NLN: variants seen among roughly 807,000 people sequenced by gnomAD.
The protein encoded by NLN is neurolysin.
Under a neutral mutation model 79.9 loss-of-function variants are expected in NLN, and 64 were observed. That is an observed-to-expected ratio of 0.80 (90% CI 0.65 to 0.99). The LOEUF (loss-of-function observed/expected upper bound fraction) is 0.99, where lower values mean the gene tolerates loss of function less well. Ranked by LOEUF, NLN falls within the 50% of genes least tolerant of loss-of-function variation. NLN has a pLI of 0.00. For synonymous variants in NLN, 267 were observed against 296.6 expected (o/e 0.90, Z 1.02); for missense variants, 835 against 858.7 (o/e 0.97, Z 0.34).
At position 65,792,459 on chromosome 5, in the gene NLN, GA is replaced by G. The variant is rs1310575629; in HGVS notation, c.1335del (p.Lys445AsnfsTer22). On this transcript the variant is annotated frameshift_variant, in exon 9 of 13. Transcript: ENST00000380985. LOFTEE classifies it high-confidence loss of function. The part of the protein sequence containing the change: ...QFYLDLYPRE[G>X]KYNHAACFGL... Reference sequence around the variant, plus strand: ...CGCGTGTTTCTGGCTCCTAGGGAAGGAAAATACAATCATGCGGCCTGCTTCG... The same window carrying G: ...CGCGTGTTTCTGGCTCCTAGGGAAGGAAATACAATCATGCGGCCTGCTTCG... The G allele has an allele frequency of 8.1e-6, 13 of 1,612,280 alleles. No homozygotes were observed. In the African/African-American group the frequency reaches 1.3e-4, roughly 17 times the overall value.
At position 65,828,493 on chromosome 5, in the gene NLN, G is replaced by C. The variant is rs1249642656; in HGVS notation, c.*5578G>C. 2.6e-5 allele frequency: 4 copies of C among 152,156 alleles called. No individual in the cohort carries two copies. Among genetic ancestry groups the C allele is most frequent in the African/African-American group, 9.7e-5 (4 of 41,430 alleles). The allele number at this position is 152,156 out of a possible 1,614,324, so 9.4% of individuals were successfully genotyped here. ...TAATTCAGAAATACAGATGATAATT[G>C]TTTTCAAATTCTTGAAGGAAATGGG... On this transcript the variant is annotated 3_prime_UTR_variant, in exon 13 of 13. Coordinates refer to ENST00000380985, the MANE Select transcript of NLN (RefSeq NM_020726.5).
chr5:65,733,917 A>T, intron 1 of NLN, among the ~76,000 whole-genome samples: 2 of 118,648 alleles, frequency 1.7e-5, no homozygotes, highest in African/African-American at 3.3e-5. Flanking sequence ...TTTTTTTTTG[A>T]GACGGAGTCT....
chr5:65,810,672 T>C (rs570438387), intron 11 of NLN, among the ~76,000 whole-genome samples: 22 of 152,336 alleles, frequency 1.4e-4, no homozygotes, highest in African/African-American at 5.1e-4. Flanking sequence ...GTCATCCTGT[T>C]ATGCTATCAA....
At chr5:65,761,062 T>C (rs1441403494) in intron 2 of NLN, among the ~76,000 whole-genome samples, 1 of 152,152 alleles carries the variant, frequency 6.6e-6, no homozygotes, top group Non-Finnish European at 1.5e-5. Flanking sequence ...ACCTTGTTTG[T>C]CTAGTGTCAG....
intron 9 of NLN, among the ~76,000 whole-genome samples, chr5:65,802,271 T>A (rs557028345): frequency 6.6e-6 from 1 of 152,336 alleles, no homozygotes; most frequent in African/African-American, 2.4e-5. Context: ...GTCCAGCCAC[T>A]GCACACAGCC....
In NLN at chr5:65,758,575, G is replaced by T. The variant is rs535433545; in HGVS notation, c.50G>T (p.Gly17Val). The part of the protein sequence containing the change: ...LAVRSLRRVG[G>V]SRILLRMTLG... ...TTTCTGATTCTTTTTAGAGTTGGTG[G>T]TTCCAGGATTTTACTCAGAATGACG... Residue 17 changes from glycine (G) to valine (V), a missense_variant, in exon 2 of 13, where the codon GGT becomes GTT. Gly to Val is a moderately radical substitution (Grantham distance 109). Transcript: ENST00000380985. 6.2e-7 allele frequency: 1 copy of T among 1,605,118 alleles called. No homozygotes were observed. Among genetic ancestry groups the T allele is most frequent in the South Asian group, 1.1e-5 (1 of 90,704 alleles).
chr5:65,758,742 G>T lies in NLN; in HGVS notation c.217G>T (p.Asp73Tyr). 6.2e-7 allele frequency: 1 copy of T among 1,613,398 alleles called. No homozygotes were observed. The highest frequency in any genetic ancestry group is 1.3e-5 in the African/African-American group (1 of 75,008). Residue 73 changes from aspartate to tyrosine, a missense_variant, in exon 2 of 13, where the codon GAT becomes TAT. Asp to Tyr is a radical substitution (Grantham distance 160). Coordinates refer to ENST00000380985, the MANE Select transcript of NLN (RefSeq NM_020726.5). Reference sequence around the variant, plus strand: ...CATTGTGCAGACCAAACAGGTGTACGATGCTGTTGGAATGCTCGGTATTGA... The same window carrying T: ...CATTGTGCAGACCAAACAGGTGTACTATGCTGTTGGAATGCTCGGTATTGA... ...ELIVQTKQVYDAVGMLGIEEV... is the reference protein window; with the variant it reads ...ELIVQTKQVYYAVGMLGIEEV...
At chr5:65,809,274 C>T in intron 9 of NLN, 1 of 358,228 alleles carries the variant, frequency 2.8e-6, no homozygotes, top group Non-Finnish European at 5.0e-6. Flanking sequence ...ATTGTTCCAA[C>T]TTTGTCTACA....
At chr5:65,748,653 A>G (rs1336302611) in intron 1 of NLN, among the ~76,000 whole-genome samples, 1 of 152,026 alleles carries the variant, frequency 6.6e-6, no homozygotes, top group Admixed American at 6.6e-5. Flanking sequence ...TATTAGGGAA[A>G]TGGGAGGATC....
chr5:65,780,179 G>T lies in NLN; in HGVS notation c.559G>T (p.Glu187Ter). Residue 187 changes from glutamate to a stop codon, truncating the protein, a stop_gained and splice_region_variant, in exon 5 of 13, where the codon GAA becomes TAA. Coordinates refer to ENST00000380985, the MANE Select transcript of NLN (RefSeq NM_020726.5). LOFTEE classifies it high-confidence loss of function. ...CCCTGTATTTTTATCTTCCTTTCAG[G>T]AAATCAAATCAATGAAGAAAAGAAT... is the stretch of plus-strand genomic sequence containing the variant. ...GLHLPEQVQN[E>*]IKSMKKRMSE... is the part of the protein sequence containing the mutation. The T allele has an allele frequency of 8.1e-7, 1 of 1,233,536 alleles. No homozygotes were observed. Among genetic ancestry groups the T allele is most frequent in the South Asian group, 1.3e-5 (1 of 78,348 alleles). 76.4% of individuals were successfully genotyped at this position (1,233,536 alleles called of 1,614,324 possible). A position where few individuals can be genotyped will look rare whatever the true frequency, so the allele number is the denominator to read the frequency against.
At chr5:65,803,619 C>T (rs1322287642) in intron 9 of NLN, among the ~76,000 whole-genome samples, 1 of 151,720 alleles carries the variant, frequency 6.6e-6, no homozygotes, top group East Asian at 1.9e-4. Flanking sequence ...CTTCTTCCAG[C>T]CCCTAAGAGT....
At chr5:65,751,321 G>T (rs764094648) in intron 1 of NLN, among the ~76,000 whole-genome samples, 1 of 152,286 alleles carries the variant, frequency 6.6e-6, no homozygotes, top group South Asian at 2.1e-4. Context: ...CTAATAAAAC[G>T]TGTTTCCCTG....
chr5:65,722,495 C>T (rs1579896509), intron 1 of NLN, 81 bp downstream of exon 1: 1 of 1,252,282 alleles, frequency 8.0e-7, no homozygotes, highest in East Asian at 2.8e-5. Context: ...CCGGACCCAC[C>T]CCTTCCCGAC....
chr5:65,758,463 A>G (rs1759267518), intron 1 of NLN, 104 bp from the exon 2 acceptor site: 5 of 760,592 alleles, frequency 6.6e-6, no homozygotes, highest in Non-Finnish European at 8.2e-6. Context: ...TTTTTTTAAA[A>G]AGGTTCTTTT....
chr5:65,816,752 T>C (rs569760323), intron 12 of NLN, among the ~76,000 whole-genome samples: 1 of 152,288 alleles, frequency 6.6e-6, no homozygotes, highest in Admixed American at 6.5e-5. Flanking sequence ...TTTTATGATA[T>C]AAAGGAATAC....
intron 2 of NLN, among the ~76,000 whole-genome samples, chr5:65,761,974 C>T (rs968283963): frequency 1.3e-5 from 2 of 152,160 alleles, no homozygotes; most frequent in Non-Finnish European, 2.9e-5. Context: ...CTTATTTTCA[C>T]AGCATAACAC....
rs1414896416 is a variant in NLN at position 65,812,322 on chromosome 5, T to A, written c.1911T>A (p.Leu637=). The A allele has an allele frequency of 6.3e-7, 1 of 1,596,988 alleles. No homozygotes were observed. Among genetic ancestry groups the A allele is most frequent in the South Asian group, 1.1e-5 (1 of 90,720 alleles). The part of the protein sequence containing the change: ...GGYDGQYYGY[L]WSEVFSMDMF... ...ACGATGGCCAATATTATGGATATCT[T>A]TGGAGTGAAGTATTTTCCATGGATA... The change falls in exon 12 of 13, where the codon CTT becomes CTA. Residue 637 remains leucine (L), a synonymous_variant. Coordinates refer to ENST00000380985, the MANE Select transcript of NLN (RefSeq NM_020726.5).
At chr5:65,743,404 G>T (rs909181503) in intron 1 of NLN, among the ~76,000 whole-genome samples, 2 of 152,158 alleles carry the variant, frequency 1.3e-5, no homozygotes, top group Non-Finnish European at 2.9e-5. Context: ...CTGATGCATT[G>T]CATTTAAGGA....
chr5:65,806,905 G>A (rs1258954762), intron 9 of NLN, among the ~76,000 whole-genome samples: 5 of 152,114 alleles, frequency 3.3e-5, no homozygotes, highest in Non-Finnish European at 7.4e-5. Context: ...GGCTGGCTGC[G>A]TTGGCTCCCA....
Sources: gnomAD v4.1 joint callset for allele counts (sites outside exome capture counted in the v4.1 genomes callset) on GRCh38, gnomAD v4.1.1 for gene constraint, MANE v1.5 for transcripts, NCBI Gene and HGNC (gene_info 2026-07-23, HGNC 2026-07-21) for gene names.